The following FAM76A variants were observed in gnomAD, a reference collection of about 807,000 sequenced individuals.
FAM76A encodes protein FAM76A.
Under a neutral mutation model 46.2 loss-of-function variants are expected in FAM76A, and 32 were observed. The observed-to-expected ratio is 0.69, with a 90% CI of 0.52 to 0.93. FAM76A has a LOEUF of 0.93. Ranked by LOEUF, FAM76A falls within the 40% of genes least tolerant of loss-of-function variation. The pLI is 0.00. For missense variants in FAM76A, 274 were observed against 361.5 expected, an observed-to-expected ratio of 0.76 and a Z score of 1.96; for synonymous variants, 137 against 127.0, an observed-to-expected ratio of 1.08 and a Z score of -0.53.
At chr1:27,759,875 C>T (rs76916586) in intron 8 of FAM76A, 38,973 of 553,490 alleles carry the variant, frequency 0.07, 4,410 homozygotes, top group African/African-American at 0.34. Flanking sequence ...TCAGGTGATC[C>T]TCCCACCTCA....
rs2088531611 is a variant in FAM76A at position 27,763,064 on chromosome 1, G to A, written c.*2483G>A. On this transcript the variant is annotated 3_prime_UTR_variant, in exon 9 of 9. Coordinates refer to ENST00000373954, the MANE Select transcript of FAM76A (RefSeq NM_152660.3). ...ACATTTTAAAACACAGGAATGTTTT[G>A]GTTTGTACAGACTTTGACAAATGTG... 6.6e-6 allele frequency: 1 copy of A among 152,052 alleles called. No homozygotes were observed. The highest frequency in any genetic ancestry group is 1.5e-5 in the Non-Finnish European group (1 of 67,992). The allele number at this position is 152,052 out of a possible 1,614,324, so 9.4% of individuals were successfully genotyped here.
rs775167885 is a variant in FAM76A, at chr1:27,732,593, TC to T, written c.147-8del. ...CTAAGAAAAGCCTGTGTCTCTTTCTTCCTTAACAGTAAAACCAATACAATAT... is the reference window on the plus strand; with the variant it reads ...CTAAGAAAAGCCTGTGTCTCTTTCTTCTTAACAGTAAAACCAATACAATAT... On this transcript the variant is annotated splice_polypyrimidine_tract_variant and intron_variant, in intron 2 of 8. Transcript: ENST00000373954. 4 of 1,604,404 alleles carry T rather than the reference TC, an allele frequency of 2.5e-6. No individual in the cohort carries two copies.
intron 7 of FAM76A, among the ~76,000 whole-genome samples, chr1:27,758,209 A>G (rs1343813593): frequency 6.6e-6 from 1 of 152,216 alleles, no homozygotes; most frequent in Non-Finnish European, 1.5e-5. Context: ...ACAGACCCGA[A>G]GAGGTTAATA....
At chr1:27,727,572 C>T (rs1348936383) in intron 2 of FAM76A, 36 bp downstream of exon 2, 1 of 1,497,760 alleles carries the variant, frequency 6.7e-7, no homozygotes, top group Non-Finnish European at 9.3e-7. Flanking sequence ...TATTAATAGG[C>T]TTTTTTCCTC....
chr1:27,743,517 C>T (rs570826749), intron 4 of FAM76A, among the ~76,000 whole-genome samples: 17 of 152,238 alleles, frequency 1.1e-4, no homozygotes, highest in African/African-American at 3.4e-4. Context: ...GTAAGTTCAG[C>T]ACTTTGGGAG....
intron 6 of FAM76A, among the ~76,000 whole-genome samples, chr1:27,751,854 A>G (rs2088337995): frequency 6.6e-6 from 1 of 150,668 alleles, no homozygotes; most frequent in South Asian, 2.1e-4. Context: ...CCCAGGCTGG[A>G]GTGCAGTGGC....
chr1:27,738,110 A>G (rs1251439563), intron 4 of FAM76A, among the ~76,000 whole-genome samples: 1 of 152,056 alleles, frequency 6.6e-6, no homozygotes, highest in Non-Finnish European at 1.5e-5. Flanking sequence ...TGGTAGTTCC[A>G]GCTACCCTAG....
At chr1:27,742,234 C>T (rs1557780335) in intron 4 of FAM76A, among the ~76,000 whole-genome samples, 1 of 152,170 alleles carries the variant, frequency 6.6e-6, no homozygotes. Context: ...TATCAGCATA[C>T]TCCCTGTCTA....
chr1:27,727,969 G>A (rs566386692), intron 2 of FAM76A, among the ~76,000 whole-genome samples: 223 of 151,854 alleles, frequency 1.5e-3, no homozygotes, highest in African/African-American at 5.1e-3. Flanking sequence ...CACCATGTCC[G>A]GCTAGTTTTT....
chr1:27,747,615 T>C (rs914120213), intron 5 of FAM76A, among the ~76,000 whole-genome samples: 3 of 152,130 alleles, frequency 2.0e-5, no homozygotes, highest in African/African-American at 2.4e-5. Flanking sequence ...AACACAAATA[T>C]AGTGAAGAAG....
chr1:27,753,168 ACT>A (rs2088357935), intron 6 of FAM76A, among the ~76,000 whole-genome samples: 2 of 152,046 alleles, frequency 1.3e-5, no homozygotes, highest in Non-Finnish European at 2.9e-5. Context: ...CAAGAGTGAA[ACT>A]CTGTCTCAAA....
At chr1:27,739,453 C>G (rs1032380982) in intron 4 of FAM76A, 4 of 465,250 alleles carry the variant, frequency 8.6e-6, no homozygotes, top group African/African-American at 8.1e-5. Context: ...TTGATGATGG[C>G]AATTATGTCT....
At chr1:27,733,667 G>T (rs2087996309) in intron 3 of FAM76A, among the ~76,000 whole-genome samples, 8 of 151,986 alleles carry the variant, frequency 5.3e-5, no homozygotes, top group Admixed American at 5.2e-4. Flanking sequence ...GGCCAACATG[G>T]TGAAACCCCA....
rs565510183 is a variant in FAM76A at position 27,726,180 on chromosome 1, C to T, written c.81+19C>T. ...GTGCAAGGTGCGCGGGCTGGGGCGG[C>T]GGCCGGGAACTGGGGACGCAGGAGG... On this transcript the variant is annotated intron_variant, in intron 1 of 8. Coordinates refer to ENST00000373954, the MANE Select transcript of FAM76A (RefSeq NM_152660.3). 75 of 1,270,536 alleles carry T rather than the reference C, an allele frequency of 5.9e-5. No individual in the cohort carries two copies. The South Asian group carries it at 1.9e-3, about 32-fold the overall frequency. The allele number at this position is 1,270,536 out of a possible 1,614,324, so 78.7% of individuals were successfully genotyped here.
At position 27,732,251 on chromosome 1, in the gene FAM76A, G is replaced by A. The variant is rs549695712; in HGVS notation, c.147-352G>A. ...TTGAGACCAGCCTGGCCAACATGGC[G>A]AAACCTTGTCTCTATCAAAAATATA... On this transcript the variant is annotated intron_variant, in intron 2 of 8. Transcript: ENST00000373954. 2.0e-5 allele frequency among the ~76,000 whole-genome samples: 3 copies of A among 152,260 alleles called. No homozygotes were observed. The South Asian group carries it at 6.2e-4, about 32-fold the overall frequency.
At chr1:27,746,847 T>C (rs1318237732) in intron 5 of FAM76A, among the ~76,000 whole-genome samples, 1 of 151,886 alleles carries the variant, frequency 6.6e-6, no homozygotes, top group African/African-American at 2.4e-5. Context: ...GAGGCCGAGG[T>C]GGGAGGGTTG....
At chr1:27,741,235 T>A (rs1198787025) in intron 4 of FAM76A, among the ~76,000 whole-genome samples, 1 of 147,576 alleles carries the variant, frequency 6.8e-6, no homozygotes, top group East Asian at 2.0e-4. Flanking sequence ...TCTCACTCTG[T>A]CATCCAGGCT....
At chr1:27,742,039 TAGAA>T (rs1457149342) in intron 4 of FAM76A, among the ~76,000 whole-genome samples, 2 of 151,892 alleles carry the variant, frequency 1.3e-5, no homozygotes, top group Non-Finnish European at 2.9e-5. Flanking sequence ...GCAGTGGAGT[TAGAA>T]AGAAGTGAGT....
In FAM76A at chr1:27,754,444, A is replaced by G. The variant is rs1021568109; in HGVS notation, c.600-751A>G. 9.2e-5 allele frequency among the ~76,000 whole-genome samples: 14 copies of G among 152,284 alleles called. No individual in the cohort carries two copies. The East Asian group carries it at 2.1e-3, about 23-fold the overall frequency. ...TCTTAAGAGGCTCTGCTAAAAGGACATGGAGTCCATCTGGCACTTTGACAA... is the reference window on the plus strand; with the variant it reads ...TCTTAAGAGGCTCTGCTAAAAGGACGTGGAGTCCATCTGGCACTTTGACAA... On this transcript the variant is annotated intron_variant, in intron 6 of 8. Coordinates refer to ENST00000373954, the MANE Select transcript of FAM76A (RefSeq NM_152660.3).
Sources: allele counts gnomAD v4.1 joint callset (sites outside exome capture counted in the v4.1 genomes callset), GRCh38; gene constraint gnomAD v4.1.1; transcripts MANE v1.5; gene names NCBI Gene and HGNC (gene_info 2026-07-23, HGNC 2026-07-21).